The following HECTD4 variants were observed in gnomAD, a reference collection of about 807,000 sequenced individuals.
The protein encoded by HECTD4 is HECT domain E3 ubiquitin protein ligase 4.
Under a neutral mutation model 471.5 loss-of-function variants are expected in HECTD4, and 114 were observed. The observed-to-expected ratio is 0.24, with a 90% confidence interval of 0.21 to 0.28. The LOEUF is 0.28. Ranked by LOEUF, HECTD4 falls within the 10% of genes least tolerant of loss-of-function variation. The pLI, the probability that HECTD4 is intolerant of heterozygous loss-of-function variation, is 1.00. For synonymous variants in HECTD4, 2,012 were observed against 2,256.0 expected (o/e 0.89, Z 3.07); for missense variants, 3,866 against 5,651.5 (o/e 0.68, Z 10.13).
In HECTD4 at chr12:112,258,602, A is replaced by T; in HGVS notation, c.3028-6T>A. The stretch of plus-strand genomic sequence containing the variant: ...GTTTTAAGCAGCAACGCCGTCTGAA[A>T]CACAAAACCATCATTATGTCTTCCA... On this transcript the variant is annotated splice_region_variant and splice_polypyrimidine_tract_variant and intron_variant, in intron 19 of 75. Transcript: ENST00000682272. 1 of 1,591,392 alleles carries T rather than the reference A, an allele frequency of 6.3e-7. No individual in the cohort carries two copies. Among genetic ancestry groups the T allele is most frequent in the Non-Finnish European group, 8.5e-7 (1 of 1,172,090 alleles).
chr12:112,308,130 T>C (rs906045061), intron 6 of HECTD4, among the ~76,000 whole-genome samples: 4 of 152,214 alleles, frequency 2.6e-5, no homozygotes, highest in Admixed American at 6.5e-5. Flanking sequence ...TCATTGTTAT[T>C]ATTATCAGTC....
At chr12:112,200,849 A>ATGTG (rs1227669182) in intron 54 of HECTD4, 51 bp from the exon 55 acceptor site, 2 of 1,560,736 alleles carry the variant, frequency 1.3e-6, no homozygotes, top group Non-Finnish European at 1.7e-6. Flanking sequence ...TTTGTTTTCC[A>ATGTG]TGTGTGCGTG....
At chr12:112,350,253 G>A (rs879369648) in intron 1 of HECTD4, among the ~76,000 whole-genome samples, 11 of 152,242 alleles carry the variant, frequency 7.2e-5, no homozygotes, top group Admixed American at 3.9e-4. Context: ...CCAGCCATAC[G>A]ATACTTTTTA....
chr12:112,247,503 G>T lies in HECTD4; in HGVS notation c.4296C>A (p.Ser1432=). 1.3e-6 allele frequency: 2 copies of T among 1,542,806 alleles called. No individual in the cohort carries two copies. Among genetic ancestry groups the T allele is most frequent in the South Asian group, 1.2e-5 (1 of 80,734 alleles). ...TGTTTTCAAGATCATTCCCATCAAA[G>T]GAGACTTCCTTCATTGAACATAAAA... is the stretch of plus-strand genomic sequence containing the variant. ...LELLCSMKEV[S]FDGNDLENMV... Residue 1432 remains serine, a synonymous_variant, in exon 28 of 76, where the codon TCC becomes TCA. Transcript: ENST00000682272.
intron 59 of HECTD4, 78 bp from the exon 60 acceptor site, chr12:112,191,043 GTGTGCA>G (rs952545489): frequency 2.4e-6 from 3 of 1,256,646 alleles, no homozygotes. Flanking sequence ...GTCCTGCCAG[GTGTGCA>G]TGTAGAAACA....
At chr12:112,327,818 T>C (rs1404726760) in intron 1 of HECTD4, among the ~76,000 whole-genome samples, 3 of 152,196 alleles carry the variant, frequency 2.0e-5, no homozygotes, top group Non-Finnish European at 4.4e-5. Flanking sequence ...TCAAATAATG[T>C]AGAGCTGATT....
At chr12:112,226,192 T>TACAC (rs58470224) in intron 44 of HECTD4, among the ~76,000 whole-genome samples, 8 of 150,434 alleles carry the variant, frequency 5.3e-5, no homozygotes, top group Admixed American at 2.7e-4. Flanking sequence ...GACTTTTCCA[T>TACAC]ACACACACAC....
At chr12:112,350,385 T>C (rs1239233610) in intron 1 of HECTD4, among the ~76,000 whole-genome samples, 1 of 152,222 alleles carries the variant, frequency 6.6e-6, no homozygotes, top group African/African-American at 2.4e-5. Context: ...GAAATAATAT[T>C]ATTTTGTATA....
rs1161626659 is a variant in HECTD4, at chr12:112,219,373, G to C, written c.7074+13C>G. The C allele has an allele frequency of 6.2e-7, 1 of 1,604,668 alleles. No individual in the cohort carries two copies. Among genetic ancestry groups the C allele is most frequent in the Middle Eastern group, 1.7e-4 (1 of 6,038 alleles). On this transcript the variant is annotated intron_variant, in intron 45 of 75. Transcript: ENST00000682272. ...GAGGCTGCAGGAGGCGCGAAGCACC[G>C]CAGAGGGCTCACCTGTCTTCGGTCA...
At chr12:112,339,309 C>T (rs1358535093) in intron 1 of HECTD4, among the ~76,000 whole-genome samples, 1 of 114,900 alleles carries the variant, frequency 8.7e-6, no homozygotes, top group African/African-American at 4.4e-5. Flanking sequence ...CATGCAGGGT[C>T]CAAGAAAATG....
intron 8 of HECTD4, among the ~76,000 whole-genome samples, chr12:112,281,013 A>G (rs1234510806): frequency 2.6e-5 from 4 of 151,032 alleles, no homozygotes; most frequent in Non-Finnish European, 4.4e-5. Context: ...CTGGTCTTGA[A>G]CTCCTGACCT....
chr12:112,226,847 GCCCCCCAGTTTAC>G (rs2033251952), intron 43 of HECTD4, 89 bp from the exon 44 acceptor site: 5 of 944,240 alleles, frequency 5.3e-6, no homozygotes, highest in Non-Finnish European at 7.9e-6. Context: ...AATCAATTTT[GCCCCCCAGTTTAC>G]AACAAGGTTC....
At chr12:112,241,391 T>C (rs1304142327) in intron 32 of HECTD4, among the ~76,000 whole-genome samples, 2 of 152,212 alleles carry the variant, frequency 1.3e-5, no homozygotes, top group Non-Finnish European at 2.9e-5. Flanking sequence ...CTTGAGGTGA[T>C]GGTTTCCTCT....
At chr12:112,364,008 A>T (rs1482044126) in intron 1 of HECTD4, among the ~76,000 whole-genome samples, 3 of 150,846 alleles carry the variant, frequency 2.0e-5, no homozygotes, top group African/African-American at 7.3e-5. Flanking sequence ...AAAAAAAAAA[A>T]AAAAAAAAAT....
chr12:112,264,842 G>A (rs2034231765), intron 16 of HECTD4, among the ~76,000 whole-genome samples: 1 of 152,150 alleles, frequency 6.6e-6, no homozygotes, highest in Non-Finnish European at 1.5e-5. Flanking sequence ...TCAGCTCACT[G>A]CAAACTCCAC....
intron 65 of HECTD4, among the ~76,000 whole-genome samples, chr12:112,176,181 A>G (rs1008061824): frequency 3.3e-5 from 5 of 152,224 alleles, no homozygotes; most frequent in African/African-American, 1.2e-4. Context: ...GCTTTCTCCA[A>G]TGCTGCCTGG....
chr12:112,336,168 A>G (rs1237148564), intron 1 of HECTD4, among the ~76,000 whole-genome samples: 1 of 152,196 alleles, frequency 6.6e-6, no homozygotes, highest in African/African-American at 2.4e-5. Context: ...ACAAATAACC[A>G]ATTTTCTTCG....
chr12:112,272,293 GC>G (rs1259117343), intron 11 of HECTD4, among the ~76,000 whole-genome samples: 1 of 152,126 alleles, frequency 6.6e-6, no homozygotes, highest in Non-Finnish European at 1.5e-5. Context: ...CAGGTGATCT[GC>G]CTGCCTCAGC....
chr12:112,283,878 T>C (rs61941333), intron 7 of HECTD4, among the ~76,000 whole-genome samples: 4,887 of 152,250 alleles, frequency 0.032, 130 homozygotes, highest in South Asian at 0.058. Context: ...AGAAAAATCT[T>C]TGGAGTGGTG....
Sources: gnomAD v4.1 joint callset for allele counts (sites outside exome capture counted in the v4.1 genomes callset) on GRCh38, gnomAD v4.1.1 for gene constraint, MANE v1.5 for transcripts, NCBI Gene and HGNC (gene_info 2026-07-23, HGNC 2026-07-21) for gene names.